The following ST3GAL3 variants were observed in gnomAD, a reference collection of about 807,000 sequenced individuals.
ST3GAL3 encodes ST3 beta-galactoside alpha-2,3-sialyltransferase 3, also known as CMP-N-acetylneuraminate-beta-1,4-galactoside alpha-2,3-sialyltransferase.
ST3GAL3 carries 21 observed loss-of-function variants against 50.1 expected under a neutral mutation model. The ratio of observed to expected loss-of-function variants is 0.42; its 90% confidence interval spans 0.30 to 0.60. The LOEUF is 0.60. Ranked by LOEUF, ST3GAL3 falls within the 20% of genes least tolerant of loss-of-function variation. The probability of loss-of-function intolerance (pLI) is 0.19; values close to 1 mark genes in which losing one functional copy is unlikely to be tolerated. For missense variants in ST3GAL3, 353 were observed against 489.4 expected, an observed-to-expected ratio of 0.72 and a Z score of 2.63; for synonymous variants, 183 against 190.0, an observed-to-expected ratio of 0.96 and a Z score of 0.30.
chr1:43,896,577 C>T (rs2077417598), intron 6 of ST3GAL3, among the ~76,000 whole-genome samples: 1 of 152,140 alleles, frequency 6.6e-6, no homozygotes, highest in Non-Finnish European at 1.5e-5. Context: ...CAGGGTCTTG[C>T]TTTGTCACCC....
intron 2 of ST3GAL3, among the ~76,000 whole-genome samples, chr1:43,744,375 G>A (rs866670868): frequency 2.6e-5 from 4 of 151,602 alleles, no homozygotes; most frequent in Non-Finnish European, 4.4e-5. Context: ...TCAGCCTCCC[G>A]AGTAGCTGGG....
chr1:43,760,714 C>G (rs942603837), intron 2 of ST3GAL3, among the ~76,000 whole-genome samples: 4 of 152,038 alleles, frequency 2.6e-5, no homozygotes, highest in South Asian at 2.1e-4. Context: ...TGAGATCATA[C>G]CACTGCATTC....
chr1:43,742,813 A>G (rs192917035), intron 2 of ST3GAL3, among the ~76,000 whole-genome samples: 57 of 152,364 alleles, frequency 3.7e-4, no homozygotes, highest in Non-Finnish European at 4.3e-4. Context: ...ACTTAACAGC[A>G]GATTACATAA....
rs1210155581 is a variant in ST3GAL3 at position 43,930,691 on chromosome 1, A to C, written c.*470A>C. On this transcript the variant is annotated 3_prime_UTR_variant, in exon 12 of 12. Transcript: ENST00000347631. ...GTTACCTGTTAGCTCCCTGTGGGGCAGGAGTGCCAGGACCAGCCTGTACCT... is the reference window on the plus strand; with the variant it reads ...GTTACCTGTTAGCTCCCTGTGGGGCCGGAGTGCCAGGACCAGCCTGTACCT... The C allele has an allele frequency of 1.0e-5, 3 of 297,916 alleles. No individual in the cohort carries two copies. The highest frequency in any genetic ancestry group is 2.2e-5 in the African/African-American group (1 of 46,054). The allele number at this position is 297,916 out of a possible 1,614,324, so 18.5% of individuals were successfully genotyped here. A position where few individuals can be genotyped will look rare whatever the true frequency, so the allele number is the denominator to read the frequency against.
chr1:43,856,547 C>T (rs1399750984), intron 5 of ST3GAL3, among the ~76,000 whole-genome samples: 3 of 152,166 alleles, frequency 2.0e-5, no homozygotes, highest in Non-Finnish European at 4.4e-5. Flanking sequence ...TCCTTGGGTA[C>T]AGACCTTTCT....
At chr1:43,736,422 G>A in intron 2 of ST3GAL3, 42 bp downstream of exon 2, 1 of 1,614,132 alleles carries the variant, frequency 6.2e-7, no homozygotes, top group Non-Finnish European at 8.5e-7. Flanking sequence ...GAAGCCTGTT[G>A]CAGGTCAGTT....
At chr1:43,841,318 C>G (rs2065338536) in intron 5 of ST3GAL3, 1 of 152,200 alleles carries the variant, frequency 6.6e-6, no homozygotes, top group African/African-American at 2.4e-5. Context: ...CCACACTGCC[C>G]TAGTAGAGGT....
intron 5 of ST3GAL3, among the ~76,000 whole-genome samples, chr1:43,860,325 A>T (rs1314310997): frequency 6.6e-6 from 1 of 152,144 alleles, no homozygotes; most frequent in Admixed American, 6.5e-5. Context: ...CGTGACCCAC[A>T]CTCAAGGCTG....
chr1:43,763,743 C>T (rs1239570048), intron 2 of ST3GAL3, among the ~76,000 whole-genome samples: 3 of 152,150 alleles, frequency 2.0e-5, no homozygotes, highest in Non-Finnish European at 4.4e-5. Flanking sequence ...CAAAGGCAGG[C>T]CAGTGTCTAA....
chr1:43,736,553 CT>C, intron 2 of ST3GAL3, 173 bp downstream of exon 2: 1 of 1,163,860 alleles, frequency 8.6e-7, no homozygotes, highest in Middle Eastern at 2.8e-4. Flanking sequence ...AGGCTGAGAA[CT>C]TTGATGTTTT....
intron 2 of ST3GAL3, among the ~76,000 whole-genome samples, chr1:43,747,685 A>G (rs7553659): frequency 0.078 from 11,713 of 149,998 alleles, 1,512 homozygotes; most frequent in African/African-American, 0.27. Context: ...GGTTCAAGCA[A>G]TTCTCCTGCC....
At chr1:43,873,614 A>T (rs1223669131) in intron 5 of ST3GAL3, among the ~76,000 whole-genome samples, 1 of 152,058 alleles carries the variant, frequency 6.6e-6, no homozygotes, top group African/African-American at 2.4e-5. Flanking sequence ...GCAGAACTCC[A>T]TCTCCACTAA....
chr1:43,772,355 C>CT (rs1005692011), intron 2 of ST3GAL3: 12 of 245,046 alleles, frequency 4.9e-5, no homozygotes, highest in African/African-American at 2.4e-4. Flanking sequence ...GCCAGTGATC[C>CT]TTTTTTTAAT....
At chr1:43,766,829 G>C (rs1693227244) in intron 2 of ST3GAL3, among the ~76,000 whole-genome samples, 1 of 152,158 alleles carries the variant, frequency 6.6e-6, no homozygotes, top group African/African-American at 2.4e-5. Context: ...ATTTAAAATG[G>C]GAGGTTGTGT....
chr1:43,895,613 A>G (rs1261649336), intron 6 of ST3GAL3, among the ~76,000 whole-genome samples: 1 of 152,192 alleles, frequency 6.6e-6, no homozygotes. Flanking sequence ...TCATTTGGCC[A>G]GGAGACTCAA....
At chr1:43,774,143 C>T (rs1696317450) in intron 2 of ST3GAL3, among the ~76,000 whole-genome samples, 1 of 152,104 alleles carries the variant, frequency 6.6e-6, no homozygotes, top group South Asian at 2.1e-4. Context: ...GGGAAAAAGA[C>T]ATACTTGGGG....
Position 43,930,611 on chromosome 1 carries a change from A to C in ST3GAL3, c.*390A>C, listed in dbSNP as rs965696990. ...TTTTTAAATAAGGTTGGAGATGTCA[A>C]GTTGGGTTCACTTGCCATGCAGGAA... On this transcript the variant is annotated 3_prime_UTR_variant, in exon 12 of 12. Transcript: ENST00000347631. The C allele has an allele frequency of 8.8e-6, 3 of 342,016 alleles. No homozygotes were observed. Among genetic ancestry groups the C allele is most frequent in the Non-Finnish European group, 1.7e-5 (3 of 175,080 alleles). 21.2% of individuals were successfully genotyped at this position (342,016 alleles called of 1,614,324 possible).
chr1:43,725,845 A>G (rs1672702288), intron 1 of ST3GAL3, among the ~76,000 whole-genome samples: 1 of 151,952 alleles, frequency 6.6e-6, no homozygotes. Context: ...CGGTTTCGCT[A>G]TGTTGCCCAG....
chr1:43,719,934 G>GAAAAAAAAAAAAAAAAA, intron 1 of ST3GAL3, among the ~76,000 whole-genome samples: 2 of 41,704 alleles, frequency 4.8e-5, no homozygotes, highest in Non-Finnish European at 4.0e-5. Context: ...CTCTGTCTCA[G>GAAAAAAAAAAAAAAAAA]AAAAAAAAAA....
Sources: gnomAD v4.1 joint callset for allele counts (sites outside exome capture counted in the v4.1 genomes callset) on GRCh38, gnomAD v4.1.1 for gene constraint, MANE v1.5 for transcripts, NCBI Gene and HGNC (gene_info 2026-07-23, HGNC 2026-07-21) for gene names.